PACRG: variants seen among roughly 807,000 people sequenced by gnomAD.
The protein encoded by PACRG is parkin coregulated.
A neutral mutation model predicts 29.7 loss-of-function variants in PACRG; 29 were observed. The observed-to-expected ratio is 0.98, with a 90% CI of 0.73 to 1.33. PACRG has a LOEUF of 1.33. Among genes scored for constraint, PACRG ranks in the 40% most tolerant of loss-of-function variants. PACRG has a pLI of 0.00. For synonymous variants in PACRG, 116 were observed against 118.7 expected (o/e 0.98, Z 0.15); for missense variants, 279 against 316.2 (o/e 0.88, Z 0.89).
At chr6:162,727,923 A>C (rs1008526612), upstream of PACRG, 9 of 589,640 alleles carry the variant, frequency 1.5e-5, no homozygotes, top group Non-Finnish European at 2.1e-5. Context: ...CAGGCCCAGC[A>C]ATCTTACGTC....
rs576251492 is a variant in PACRG, at chr6:163,279,950, C to T, written c.614-34877C>T. On this transcript the variant is annotated intron_variant, in intron 4 of 4. Coordinates refer to ENST00000366888, the MANE Select transcript of PACRG (RefSeq NM_001080379.2). ...GGGCATCCACCCTCAGCCTGCACTG[C>T]GCATCCTTGTTTTGGGATCTGTTGG... 1.3e-4 allele frequency among the ~76,000 whole-genome samples: 20 copies of T among 152,320 alleles called. No individual in the cohort carries two copies. The South Asian group carries it at 2.9e-3, about 22-fold the overall frequency.
intron 4 of PACRG, among the ~76,000 whole-genome samples, chr6:163,098,218 T>G (rs1814775205): frequency 6.6e-6 from 1 of 152,110 alleles, no homozygotes; most frequent in Admixed American, 6.5e-5. Flanking sequence ...AACTGCAGTA[T>G]GGAAACAGCA....
intron 4 of PACRG, among the ~76,000 whole-genome samples, chr6:163,253,832 C>T (rs1783001677): frequency 6.6e-6 from 1 of 152,212 alleles, no homozygotes; most frequent in South Asian, 2.1e-4. Flanking sequence ...TTGGCCTGCT[C>T]CTCCAAAGGA....
chr6:162,976,714 A>G (rs1397507329), intron 2 of PACRG, among the ~76,000 whole-genome samples: 1 of 152,222 alleles, frequency 6.6e-6, no homozygotes, highest in Non-Finnish European at 1.5e-5. Flanking sequence ...TGTAATAAAT[A>G]TCTATAAAAC....
chr6:163,224,183 ATAT>A (rs1457747595), intron 4 of PACRG, among the ~76,000 whole-genome samples: 1 of 151,910 alleles, frequency 6.6e-6, no homozygotes, highest in Non-Finnish European at 1.5e-5. Flanking sequence ...AGCCTGGCCA[ATAT>A]GGCACAACCC....
At chr6:162,914,480 A>G (rs1322928793) in intron 2 of PACRG, among the ~76,000 whole-genome samples, 2 of 149,054 alleles carry the variant, frequency 1.3e-5, no homozygotes, top group African/African-American at 4.9e-5. Context: ...GGTAGCGTAC[A>G]TAAGGTCTCA....
intron 2 of PACRG, among the ~76,000 whole-genome samples, chr6:163,009,984 T>G (rs1805461935): frequency 1.3e-5 from 2 of 152,204 alleles, no homozygotes; most frequent in African/African-American, 4.8e-5. Flanking sequence ...AATGTGCAGA[T>G]TCAAAGGAAA....
chr6:163,243,392 T>C (rs1782575606), intron 4 of PACRG, among the ~76,000 whole-genome samples: 1 of 152,246 alleles, frequency 6.6e-6, no homozygotes, highest in Non-Finnish European at 1.5e-5. Context: ...TCTGTGTTTG[T>C]GTTGCCCAGT....
intron 2 of PACRG, among the ~76,000 whole-genome samples, chr6:163,017,242 A>G (rs1001673669): frequency 6.6e-6 from 1 of 152,174 alleles, no homozygotes; most frequent in South Asian, 2.1e-4. Flanking sequence ...GTACATAGTG[A>G]TAAATATAAA....
intron 4 of PACRG, among the ~76,000 whole-genome samples, chr6:163,149,224 T>A (rs1279452006): frequency 6.6e-6 from 1 of 151,946 alleles, no homozygotes; most frequent in East Asian, 1.9e-4. Flanking sequence ...CTCCTTCTCC[T>A]GCAGAGCTTC....
At chr6:162,862,306 A>G (rs1791925585) in intron 2 of PACRG, among the ~76,000 whole-genome samples, 1 of 152,130 alleles carries the variant, frequency 6.6e-6, no homozygotes, top group Non-Finnish European at 1.5e-5. Context: ...CTGTCATGTC[A>G]TTACACTGGG....
intron 4 of PACRG, among the ~76,000 whole-genome samples, chr6:163,217,221 T>G (rs921824117): frequency 2.0e-5 from 3 of 152,164 alleles, no homozygotes; most frequent in Admixed American, 1.3e-4. Flanking sequence ...GCCCGATTGT[T>G]GTAGGTATGA....
intron 2 of PACRG, among the ~76,000 whole-genome samples, chr6:162,883,201 G>A (rs1278998506): frequency 1.4e-5 from 2 of 146,114 alleles, no homozygotes; most frequent in African/African-American, 5.0e-5. Flanking sequence ...TTTTAAAAAT[G>A]TGATTTCACA....
At chr6:163,305,163 C>G (rs1785149851) in intron 4 of PACRG, among the ~76,000 whole-genome samples, 1 of 152,250 alleles carries the variant, frequency 6.6e-6, no homozygotes, top group Non-Finnish European at 1.5e-5. Flanking sequence ...GCCTCCACAC[C>G]ACATTCAATT....
chr6:163,000,017 A>G (rs1804437878), intron 2 of PACRG, among the ~76,000 whole-genome samples: 1 of 152,218 alleles, frequency 6.6e-6, no homozygotes, highest in Non-Finnish European at 1.5e-5. Context: ...GTAACATCCT[A>G]TGGTTGGATT....
intron 4 of PACRG, among the ~76,000 whole-genome samples, chr6:163,241,174 G>T (rs1782492834): frequency 6.6e-6 from 1 of 152,064 alleles, no homozygotes; most frequent in African/African-American, 2.4e-5. Context: ...GAGAGGGGAA[G>T]AAAAAAGGTG....
chr6:162,947,342 A>ATGTGATATATATATCATAT (rs1388762226), intron 2 of PACRG, among the ~76,000 whole-genome samples: 1 of 13,352 alleles, frequency 7.5e-5, no homozygotes, highest in Non-Finnish European at 4.2e-4. Context: ...TCATATATAT[A>ATGTGATATATATATCATAT]ATGATTACAT....
chr6:162,747,394 ATATATATGT>A lies in PACRG; in HGVS notation c.156+19004_156+19012del, dbSNP rs1409720838. Among the ~76,000 whole-genome samples, 30 of 36,484 alleles carry A rather than the reference ATATATATGT, an allele frequency of 8.2e-4. 3 individuals carry two copies. Among genetic ancestry groups the A allele is most frequent in the Admixed American group, 3.0e-3 (8 of 2,706 alleles). 23.9% of individuals were successfully genotyped at this position (36,484 alleles called of 152,430 possible). A position where few individuals can be genotyped will look rare whatever the true frequency, so the allele number is the denominator to read the frequency against. ...TACATATATATGTATATATATGTAT[ATATATATGT>A]ATATATATATATAACTATAAATATA... is the stretch of plus-strand genomic sequence containing the variant. On this transcript the variant is annotated intron_variant, in intron 1 of 4. Coordinates refer to ENST00000366888, the MANE Select transcript of PACRG (RefSeq NM_001080379.2).
intron 2 of PACRG, among the ~76,000 whole-genome samples, chr6:162,846,837 GTGCTCCCCACACTGTGA>G (rs1479012290): frequency 6.6e-6 from 1 of 152,162 alleles, no homozygotes; most frequent in Non-Finnish European, 1.5e-5. Flanking sequence ...ACTGTCCACT[GTGCTCCCCACACTGTGA>G]TGCTCCCCAT....
Sources: gnomAD v4.1 joint callset for allele counts (sites outside exome capture counted in the v4.1 genomes callset) on GRCh38, gnomAD v4.1.1 for gene constraint, MANE v1.5 for transcripts, NCBI Gene and HGNC (gene_info 2026-07-23, HGNC 2026-07-21) for gene names.